The following GNG12 variants were observed in gnomAD, a reference collection of about 807,000 sequenced individuals.
GNG12 encodes the protein G protein subunit gamma 12.
For missense variants in GNG12, 69 were observed against 83.8 expected, an observed-to-expected ratio of 0.82 and a Z score of 0.69; for synonymous variants, 28 against 29.7, an observed-to-expected ratio of 0.94 and a Z score of 0.19.
chr1:67,731,543 AC>A (rs1453416819), intron 2 of GNG12, among the ~76,000 whole-genome samples: 1 of 152,228 alleles, frequency 6.6e-6, no homozygotes, highest in East Asian at 1.9e-4. Flanking sequence ...TAAGTGAGGG[AC>A]AAAGGCAAGT....
chr1:67,788,670 C>A (rs918147273), intron 1 of GNG12, among the ~76,000 whole-genome samples: 1 of 152,114 alleles, frequency 6.6e-6, no homozygotes, highest in Non-Finnish European at 1.5e-5. Flanking sequence ...GAAAATCTTC[C>A]TAAAATAAAT....
chr1:67,773,097 T>C (rs1646684389), intron 2 of GNG12, among the ~76,000 whole-genome samples: 2 of 152,230 alleles, frequency 1.3e-5, no homozygotes, highest in African/African-American at 4.8e-5. Flanking sequence ...ATTATATTTC[T>C]GTTGCTTGCA....
At chr1:67,729,575 G>A (rs1646407227) in intron 2 of GNG12, among the ~76,000 whole-genome samples, 1 of 152,156 alleles carries the variant, frequency 6.6e-6, no homozygotes, top group African/African-American at 2.4e-5. Flanking sequence ...GCCCTCCCTT[G>A]ATATGTGTTG....
At position 67,833,365 on chromosome 1, in the gene GNG12, C is replaced by G. The variant is rs969036712; in HGVS notation, c.-98G>C. 2 of 985,344 alleles carry G rather than the reference C, an allele frequency of 2.0e-6. No individual in the cohort carries two copies. Among genetic ancestry groups the G allele is most frequent in the Admixed American group, 6.2e-5 (1 of 16,256 alleles). 61.0% of individuals were successfully genotyped at this position (985,344 alleles called of 1,614,324 possible). On this transcript the variant is annotated 5_prime_UTR_variant, in exon 1 of 4. Coordinates refer to ENST00000370982, the MANE Select transcript of GNG12 (RefSeq NM_018841.6). ...TCACCCGCCTGCCGGTGCGCTGCCC[C>G]GCCGTCGCCGCCGGGACTCGGTCTC... is the stretch of plus-strand genomic sequence containing the variant.
At chr1:67,799,378 C>T (rs1480761136) in intron 1 of GNG12, among the ~76,000 whole-genome samples, 1 of 152,210 alleles carries the variant, frequency 6.6e-6, no homozygotes, top group Non-Finnish European at 1.5e-5. Flanking sequence ...CACATCTTTA[C>T]TGTACTTAGG....
At chr1:67,823,111 C>G (rs1429970072) in intron 1 of GNG12, among the ~76,000 whole-genome samples, 6 of 152,156 alleles carry the variant, frequency 3.9e-5, no homozygotes, top group South Asian at 4.1e-4. Context: ...CCAATTCAGA[C>G]AGTAAACAAC....
At chr1:67,786,935 A>ATGTGTGTGTG (rs60096043) in intron 1 of GNG12, among the ~76,000 whole-genome samples, 100 of 133,450 alleles carry the variant, frequency 7.5e-4, no homozygotes, top group Middle Eastern at 3.8e-3. Context: ...TTATATATAT[A>ATGTGTGTGTG]TGTGTGTGTG....
At position 67,803,586 on chromosome 1, in the gene GNG12, T is replaced by C. The variant is rs1209476028; in HGVS notation, c.-76-26079A>G. Among the ~76,000 whole-genome samples the C allele has an allele frequency of 2.6e-5, 4 of 152,254 alleles. No homozygotes were observed. In the South Asian group the frequency reaches 8.3e-4, roughly 32 times the overall value. ...CCTCCTGTGCCATATCTATAATGAG[T>C]GTGTACAACATATCAGGCCCTGTGT... On this transcript the variant is annotated intron_variant, in intron 1 of 3. Coordinates refer to ENST00000370982, the MANE Select transcript of GNG12 (RefSeq NM_018841.6).
intron 2 of GNG12, among the ~76,000 whole-genome samples, chr1:67,733,256 CTTCTT>C (rs1374670816): frequency 6.6e-6 from 1 of 152,220 alleles, no homozygotes; most frequent in Admixed American, 6.5e-5. Context: ...GCCTTTTCTT[CTTCTT>C]TTTTTAAATG....
intron 2 of GNG12, among the ~76,000 whole-genome samples, chr1:67,771,331 G>A (rs950306694): frequency 6.6e-6 from 1 of 152,306 alleles, no homozygotes; most frequent in South Asian, 2.1e-4. Context: ...TCCTTGAGGC[G>A]GATATTTGAC....
rs80105313 is a variant in GNG12 at position 67,809,912 on chromosome 1, G to A, written c.-77+23432C>T. Among the ~76,000 whole-genome samples, 865 of 152,152 alleles carry A rather than the reference G, an allele frequency of 5.7e-3. 7 individuals carry two copies. Among genetic ancestry groups the A allele is most frequent in the African/African-American group, 0.02 (827 of 41,512 alleles). The stretch of plus-strand genomic sequence containing the variant: ...GTTTTAACCATATAATCCAGTAATC[G>A]TACAACTTTATATTTACCAAAATAA... On this transcript the variant is annotated intron_variant, in intron 1 of 3. Coordinates refer to ENST00000370982, the MANE Select transcript of GNG12 (RefSeq NM_018841.6).
At chr1:67,710,118 ATATATAGT>A (rs1646283417) in intron 2 of GNG12, among the ~76,000 whole-genome samples, 1 of 20,080 alleles carries the variant, frequency 5.0e-5, no homozygotes, top group Non-Finnish European at 1.0e-4. Context: ...ATATAGTTAT[ATATATAGT>A]TATATATATA....
intron 2 of GNG12, among the ~76,000 whole-genome samples, chr1:67,727,542 G>A (rs1646393752): frequency 6.6e-6 from 1 of 152,208 alleles, no homozygotes; most frequent in Non-Finnish European, 1.5e-5. Flanking sequence ...GCATTCGCAT[G>A]ATCTCTGGAT....
intron 1 of GNG12, among the ~76,000 whole-genome samples, chr1:67,784,756 G>A (rs1470458821): frequency 1.3e-5 from 2 of 152,150 alleles, no homozygotes; most frequent in African/African-American, 4.8e-5. Flanking sequence ...GCAATTTTAA[G>A]ATAAGTATCT....
chr1:67,755,562 G>C (rs1646563213), intron 2 of GNG12, among the ~76,000 whole-genome samples: 1 of 152,086 alleles, frequency 6.6e-6, no homozygotes, highest in African/African-American at 2.4e-5. Context: ...ACCTGTAGAT[G>C]GGCCTTCTTC....
At chr1:67,776,315 C>T (rs186552458) in intron 2 of GNG12, among the ~76,000 whole-genome samples, 7 of 152,292 alleles carry the variant, frequency 4.6e-5, no homozygotes, top group Non-Finnish European at 1.0e-4. Flanking sequence ...CAGCTGTTTC[C>T]ATGTGCCCCA....
intron 2 of GNG12, among the ~76,000 whole-genome samples, chr1:67,750,442 C>G (rs1646532079): frequency 6.6e-6 from 1 of 152,224 alleles, no homozygotes; most frequent in Non-Finnish European, 1.5e-5. Flanking sequence ...GGTTTTCTCT[C>G]TCCAACGAGG....
At chr1:67,745,143 A>C (rs958934998) in intron 2 of GNG12, among the ~76,000 whole-genome samples, 4 of 152,248 alleles carry the variant, frequency 2.6e-5, no homozygotes, top group Admixed American at 2.6e-4. Context: ...AATAAATAAA[A>C]ATGTAAAACT....
intron 1 of GNG12, among the ~76,000 whole-genome samples, chr1:67,811,018 A>G (rs754948288): frequency 1.8e-4 from 28 of 152,300 alleles, no homozygotes; most frequent in Admixed American, 1.4e-3. Context: ...AAACTGGTTA[A>G]AAATGCAAAT....
Sources: allele counts gnomAD v4.1 joint callset (sites outside exome capture counted in the v4.1 genomes callset), GRCh38; gene constraint gnomAD v4.1.1; transcripts MANE v1.5; gene names NCBI Gene and HGNC (gene_info 2026-07-23, HGNC 2026-07-21).